The following FMN1 variants were observed in gnomAD, a reference collection of about 807,000 sequenced individuals.
FMN1 encodes formin-1.
FMN1 carries 110 observed loss-of-function variants against 132.4 expected under a neutral mutation model. The ratio of observed to expected loss-of-function variants is 0.83; its 90% CI spans 0.71 to 0.97. FMN1 has a LOEUF of 0.97. Among genes scored for constraint, FMN1 ranks in the 50% least tolerant of loss-of-function variants. The pLI, the probability that FMN1 is intolerant of heterozygous loss-of-function variation, is 0.00. For synonymous variants in FMN1, 722 were observed against 651.7 expected (o/e 1.11, Z -1.64); for missense variants, 1,792 against 1,705.3 (o/e 1.05, Z -0.90).
intron 6 of FMN1, among the ~76,000 whole-genome samples, chr15:33,052,551 A>C (rs889154544): frequency 2.0e-5 from 3 of 147,798 alleles, no homozygotes; most frequent in Non-Finnish European, 4.6e-5. Context: ...CCTACAATTC[A>C]ATTCAATTCA....
intron 9 of FMN1, among the ~76,000 whole-genome samples, chr15:32,947,804 T>C (rs2061541895): frequency 1.3e-5 from 2 of 152,088 alleles, no homozygotes; most frequent in South Asian, 2.1e-4. Context: ...AAAAATGCAA[T>C]TGATTATTGT....
intron 4 of FMN1, among the ~76,000 whole-genome samples, chr15:33,092,188 A>AC (rs2038927557): frequency 6.6e-6 from 1 of 152,222 alleles, no homozygotes; most frequent in African/African-American, 2.4e-5. Flanking sequence ...GATGAGCTGC[A>AC]CTTCCTGATG....
intron 7 of FMN1, among the ~76,000 whole-genome samples, chr15:33,002,268 T>C (rs977014532): frequency 1.3e-5 from 2 of 152,188 alleles, no homozygotes; most frequent in African/African-American, 4.8e-5. Flanking sequence ...GAATTCTCCA[T>C]AACTTGTATA....
At chr15:32,842,315 C>T (rs530720715) in intron 17 of FMN1, among the ~76,000 whole-genome samples, 7 of 152,294 alleles carry the variant, frequency 4.6e-5, no homozygotes, top group Admixed American at 6.5e-5. Context: ...TCCATCCACC[C>T]GAGCCGAGGC....
At chr15:33,119,812 T>G (rs2444955) in intron 4 of FMN1, among the ~76,000 whole-genome samples, 97,535 of 152,050 alleles carry the variant, frequency 0.64, 33,199 homozygotes, top group East Asian at 0.8. Flanking sequence ...AAAGCCAGTC[T>G]TCTTCTTTGC....
At chr15:32,812,578 C>T (rs182836455) in intron 17 of FMN1, among the ~76,000 whole-genome samples, 26 of 152,174 alleles carry the variant, frequency 1.7e-4, no homozygotes, top group African/African-American at 5.8e-4. Flanking sequence ...GCATTTTGGC[C>T]GAGACCGTCA....
intron 19 of FMN1, among the ~76,000 whole-genome samples, chr15:32,789,428 C>G (rs1056451110): frequency 1.1e-4 from 17 of 152,068 alleles, no homozygotes; most frequent in African/African-American, 3.9e-4. Context: ...TAGATTATAC[C>G]ATTATGTAAA....
At position 32,901,919 on chromosome 15, in the gene FMN1, C is replaced by A; in HGVS notation, c.3499G>T (p.Ala1167Ser). ...LHRKVEIITR[A>S]SKDLLHVKSV... ...TTAGACAGTAAACATACCTTAGAAG[C>A]TCGCGTGATGATCTCTACCTTTCTG... Residue 1167 changes from alanine to serine, a missense_variant, in exon 13 of 21, where the codon GCT becomes TCT. Ala to Ser is a moderately conservative substitution (Grantham distance 99, BLOSUM62 1). Around this residue, in one of 3 missense-constraint regions of FMN1, gnomAD observed 1,150 missense variants for 1,043.1 expected, o/e 1.10. Transcript: ENST00000616417. 6.2e-7 allele frequency: 1 copy of A among 1,607,088 alleles called. No individual in the cohort carries two copies. The highest frequency in any genetic ancestry group is 8.5e-7 in the Non-Finnish European group (1 of 1,177,632).
intron 3 of FMN1, among the ~76,000 whole-genome samples, chr15:33,174,271 G>C (rs952094126): frequency 1.3e-5 from 2 of 152,176 alleles, no homozygotes; most frequent in African/African-American, 4.8e-5. Context: ...ACATTTTCAA[G>C]TGCATGTTGA....
chr15:33,007,395 G>C (rs1305781879), intron 7 of FMN1, among the ~76,000 whole-genome samples: 2 of 152,138 alleles, frequency 1.3e-5, no homozygotes, highest in Non-Finnish European at 2.9e-5. Context: ...TTAAGATTCT[G>C]AACTTTCTGC....
chr15:33,013,536 A>C (rs80265556), intron 6 of FMN1, among the ~76,000 whole-genome samples: 2,153 of 152,288 alleles, frequency 0.014, 57 homozygotes, highest in African/African-American at 0.049. Flanking sequence ...TTAAATGAAA[A>C]ATTATTCTTT....
At chr15:33,192,247 C>T (rs973729822) in intron 2 of FMN1, among the ~76,000 whole-genome samples, 1 of 152,220 alleles carries the variant, frequency 6.6e-6, no homozygotes, top group African/African-American at 2.4e-5. Context: ...TCTCAATTTT[C>T]TATCAAGGAT....
At chr15:33,178,671 T>C (rs1378679302) in intron 3 of FMN1, among the ~76,000 whole-genome samples, 2 of 152,232 alleles carry the variant, frequency 1.3e-5, no homozygotes, top group Non-Finnish European at 2.9e-5. Flanking sequence ...TTGTGAGCCT[T>C]AATTTCTAAT....
At chr15:33,082,120 T>C (rs965579404) in intron 5 of FMN1, among the ~76,000 whole-genome samples, 3 of 151,074 alleles carry the variant, frequency 2.0e-5, no homozygotes, top group Admixed American at 6.6e-5. Context: ...TGTGTGTGTG[T>C]GTGTGTGTGT....
At chr15:32,892,193 T>G (rs1394886830) in intron 15 of FMN1, among the ~76,000 whole-genome samples, 1 of 152,206 alleles carries the variant, frequency 6.6e-6, no homozygotes, top group Non-Finnish European at 1.5e-5. Flanking sequence ...GCTGGGGGTT[T>G]GTCATAGATG....
At chr15:32,804,417 T>G in intron 17 of FMN1, 85 bp from the exon 18 acceptor site, 1 of 195,886 alleles carries the variant, frequency 5.1e-6, no homozygotes. Context: ...ACCCATTCAT[T>G]ACCACAGGAG....
At chr15:32,833,343 C>T (rs1709612998) in intron 17 of FMN1, among the ~76,000 whole-genome samples, 1 of 152,142 alleles carries the variant, frequency 6.6e-6, no homozygotes, top group African/African-American at 2.4e-5. Context: ...TATGAAGCAG[C>T]AGCTGTTTTA....
intron 19 of FMN1, 88 bp downstream of exon 19, chr15:32,798,716 G>A: frequency 8.6e-7 from 1 of 1,164,040 alleles, no homozygotes; most frequent in Non-Finnish European, 1.2e-6. Flanking sequence ...AACATCGACA[G>A]GTGTGAAATA....
chr15:33,069,946 T>C (rs1240470594), intron 5 of FMN1, among the ~76,000 whole-genome samples: 1 of 147,990 alleles, frequency 6.8e-6, no homozygotes, highest in Non-Finnish European at 1.5e-5. Flanking sequence ...TCTTCAAGAT[T>C]GTAGAAAGAA....
Sources: gnomAD v4.1 joint callset for allele counts (sites outside exome capture counted in the v4.1 genomes callset) on GRCh38, gnomAD v4.1.1 for gene constraint, gnomAD v4.1.1 regional missense constraint, MANE v1.5 for transcripts, NCBI Gene and HGNC (gene_info 2026-07-23, HGNC 2026-07-21) for gene names.